Variants in TTN observed in about 807,000 individuals in gnomAD.
TTN encodes the protein connectin.
Under a neutral mutation model 3,223.0 loss-of-function variants are expected in TTN, and 1,525 were observed. The ratio of observed to expected loss-of-function variants is 0.47; its 90% CI spans 0.45 to 0.49. The LOEUF (loss-of-function observed/expected upper bound fraction) is 0.49, where lower values mean the gene tolerates loss of function less well. TTN is among the 20% of genes least tolerant of loss of function. TTN has a pLI of 0.00. For synonymous variants in TTN, 14,094 were observed against 15,161.0 expected, an observed-to-expected ratio of 0.93 and a Z score of 5.17; for missense variants, 40,786 against 43,424.0, an observed-to-expected ratio of 0.94 and a Z score of 5.40.
At position 178,675,912 on chromosome 2, in the gene TTN, T is replaced by G. The variant is rs2067985630; in HGVS notation, c.34453+9A>C. 6.2e-7 allele frequency: 1 copy of G among 1,605,384 alleles called. No individual in the cohort carries two copies. The highest frequency in any genetic ancestry group is 1.7e-5 in the Admixed American group (1 of 58,888). ...TGGCATAGTCTAATTTACTTCGGAA[T>G]AGCAATACCTTTGGCAGGGGGAGCC... On this transcript the variant is annotated intron_variant, in intron 148 of 362. Coordinates refer to ENST00000589042, the MANE Select transcript of TTN (RefSeq NM_001267550.2).
chr2:178,542,612 A>C (rs1462049964), intron 348 of TTN, 49 bp from the exon 349 acceptor site: 1 of 1,596,040 alleles, frequency 6.3e-7, no homozygotes, highest in African/African-American at 1.3e-5. Context: ...TCAAATCAAA[A>C]TTGGGTGACT....
rs576946726 is a variant in TTN at position 178,590,159 on chromosome 2, C to T, written c.61566G>A (p.Arg20522=). 1 of 1,612,994 alleles carries T rather than the reference C, an allele frequency of 6.2e-7. No individual in the cohort carries two copies. The highest frequency in any genetic ancestry group is 1.1e-5 in the South Asian group (1 of 90,956). The change falls in exon 304 of 363, where the codon AGG becomes AGA. Residue 20522 remains arginine, a synonymous_variant. Transcript: ENST00000589042. ...GAGGTAGATCCTGAATAAGGTCCACCCTCTTTTCTCGGACCAATACTTTGC... is the reference window on the plus strand; with the variant it reads ...GAGGTAGATCCTGAATAAGGTCCACTCTCTTTTCTCGGACCAATACTTTGC... The part of the protein sequence containing the change: ...KEGKVLVREK[R]VDLIQDLPRV...
At chr2:178,664,275 T>G (rs2065451919) in intron 168 of TTN, among the ~76,000 whole-genome samples, 177 bp from the exon 169 acceptor site, 1 of 152,130 alleles carries the variant, frequency 6.6e-6, no homozygotes, top group Non-Finnish European at 1.5e-5. Flanking sequence ...TATTTTCTTT[T>G]TGGTAGCCAT....
intron 45 of TTN, among the ~76,000 whole-genome samples, chr2:178,757,229 A>ACCGTACTTACTTT (rs1398848581): frequency 6.7e-6 from 1 of 149,740 alleles, no homozygotes; most frequent in African/African-American, 2.4e-5. Context: ...AGTAAGTAAT[A>ACCGTACTTACTTT]ATCAGCAAAT....
chr2:178,571,133 C>T lies in TTN; in HGVS notation c.74999G>A (p.Cys25000Tyr), dbSNP rs1399533944. ...GIGKPSKVSE[C>Y]YVARDPCDPP... is the part of the protein sequence containing the mutation. ...ATCACATGGGTCACGAGCCACATAA[C>T]ATTCTGATACTTTACTCGGCTTGCC... is the stretch of plus-strand genomic sequence containing the variant. The change falls in exon 326 of 363, where the codon TGT (cysteine) becomes TAT (tyrosine). Residue 25000 changes from cysteine to tyrosine, a missense_variant. By Grantham distance (194) the Cys-to-Tyr change is radical (BLOSUM62 -2). Coordinates refer to ENST00000589042, the MANE Select transcript of TTN (RefSeq NM_001267550.2). 1 of 1,613,484 alleles carries T rather than the reference C, an allele frequency of 6.2e-7. No homozygotes were observed. The highest frequency in any genetic ancestry group is 1.7e-5 in the Admixed American group (1 of 60,002).
rs1216901199 is a variant in TTN, at chr2:178,749,509, C to T, written c.11311+3615G>A. 1 of 1,612,778 alleles carries T rather than the reference C, an allele frequency of 6.2e-7. No individual in the cohort carries two copies. Among genetic ancestry groups the T allele is most frequent in the Admixed American group, 1.7e-5 (1 of 59,824 alleles). On this transcript the variant is annotated intron_variant, in intron 47 of 362. Transcript: ENST00000589042. ...TTACTGAATATTCTTTTACATTTGT[C>T]CAGGGAGTAAAGGGACCAGCTGGAT...
chr2:178,711,018 A>C, intron 97 of TTN, 44 bp downstream of exon 97: 1 of 1,548,396 alleles, frequency 6.5e-7, no homozygotes, highest in Non-Finnish European at 8.7e-7. Context: ...ATATTTGATT[A>C]TAATACTTTA....
rs557686550 is a variant in TTN at position 178,740,233 on chromosome 2, G to C, written c.13000C>G (p.Leu4334Val). The C allele has an allele frequency of 1.2e-6, 2 of 1,613,654 alleles. No individual in the cohort carries two copies. Among genetic ancestry groups the C allele is most frequent in the African/African-American group, 2.7e-5 (2 of 75,036 alleles). Reference sequence around the variant, plus strand: ...TTGAGCAGTACCTGCTTTTCTTCAAGTGCTAGTGGAAATCTTAAGGACTTG... The same window carrying C: ...TTGAGCAGTACCTGCTTTTCTTCAACTGCTAGTGGAAATCTTAAGGACTTG... ...EGKSLRFPLA[L>V]EEKQVLLKEE... The change falls in exon 48 of 363, where the codon CTT (leucine) becomes GTT (valine). Residue 4334 changes from leucine (L) to valine (V), a missense_variant. Transcript: ENST00000589042.
chr2:178,528,700 C>CAAAGG lies in TTN; in HGVS notation c.107050_107051insCCTTT (p.Gly35684AlafsTer11). 6.2e-7 allele frequency: 1 copy of CAAAGG among 1,613,578 alleles called. No homozygotes were observed. Among genetic ancestry groups the CAAAGG allele is most frequent in the South Asian group, 1.1e-5 (1 of 91,008 alleles). ...CAAATCATACTGACACTTGACGATT[C>CAAAGG]CTTCCTTGGTTTTGCTTATGCAGGT... On this transcript the variant is annotated frameshift_variant, in exon 360 of 363. Coordinates refer to ENST00000589042, the MANE Select transcript of TTN (RefSeq NM_001267550.2). LOFTEE classifies it high-confidence loss of function.
Position 178,618,767 on chromosome 2 carries a change from G to A in TTN, c.46783C>T (p.Pro15595Ser). Reference protein sequence around the residue: ...LTMVVPYDAYPKAEAEWFKEN... With the variant: ...LTMVVPYDAYSKAEAEWFKEN... Reference sequence around the variant, plus strand: ...TTAAACCATTCAGCTTCTGCTTTGGGGTAGGCATCATATGGCACCACCATT... The same window carrying A: ...TTAAACCATTCAGCTTCTGCTTTGGAGTAGGCATCATATGGCACCACCATT... Residue 15595 changes from proline to serine, a missense_variant, in exon 251 of 363, where the codon CCC (proline) becomes TCC (serine). Transcript: ENST00000589042. The A allele has an allele frequency of 6.2e-7, 1 of 1,611,570 alleles. No individual in the cohort carries two copies. The highest frequency in any genetic ancestry group is 8.5e-7 in the Non-Finnish European group (1 of 1,178,732).
In TTN at chr2:178,551,279, G is replaced by A; in HGVS notation, c.91271-19C>T. The A allele has an allele frequency of 6.3e-7, 1 of 1,595,720 alleles. No homozygotes were observed. Among genetic ancestry groups the A allele is most frequent in the Non-Finnish European group, 8.5e-7 (1 of 1,173,466 alleles). Reference sequence around the variant, plus strand: ...GGTGGGTCTAAAAAATTATAAGGAAGGTAAATGCATCATTACATTTGTAAC... The same window carrying A: ...GGTGGGTCTAAAAAATTATAAGGAAAGTAAATGCATCATTACATTTGTAAC... On this transcript the variant is annotated intron_variant, in intron 335 of 362. Transcript: ENST00000589042.
Position 178,554,435 on chromosome 2 carries a change from A to G in TTN, c.88894+18T>C, listed in dbSNP as rs1700540734. The G allele has an allele frequency of 6.2e-6, 10 of 1,606,110 alleles. No individual in the cohort carries two copies. Among genetic ancestry groups the G allele is most frequent in the South Asian group, 2.2e-5 (2 of 89,610 alleles). ...TAAATTTTTCACGTTTCAGTTTTCTAATGAAATCATGTCTCACCAAATGCG... is the reference window on the plus strand; with the variant it reads ...TAAATTTTTCACGTTTCAGTTTTCTGATGAAATCATGTCTCACCAAATGCG... On this transcript the variant is annotated intron_variant, in intron 332 of 362. Transcript: ENST00000589042.
At chr2:178,746,648 C>T in intron 47 of TTN, 2 of 1,613,252 alleles carry the variant, frequency 1.2e-6, no homozygotes, top group South Asian at 1.1e-5. Flanking sequence ...CATGTACTCT[C>T]CCCCTTCTCC....
rs2154198955 is a variant in TTN at position 178,610,280 on chromosome 2, A to G, written c.51246T>C (p.Tyr17082=). The G allele has an allele frequency of 3.1e-6, 5 of 1,612,960 alleles. No homozygotes were observed. Among genetic ancestry groups the G allele is most frequent in the Non-Finnish European group, 4.2e-6 (5 of 1,179,236 alleles). The change falls in exon 271 of 363, where the codon TAT becomes TAC. Residue 17082 remains tyrosine (Y), a synonymous_variant. Coordinates refer to ENST00000589042, the MANE Select transcript of TTN (RefSeq NM_001267550.2). ...EFDGGTPILH[Y]VLERREAGRR... ...TCCCAGCTTCTCTGCGCTCCAGGAC[A>G]TAATGAAGAATTGGGGTTCCACCAT...
In TTN at chr2:178,569,006, T is replaced by G. The variant is rs1707103269; in HGVS notation, c.77126A>C (p.Asp25709Ala). ...CAGAGAGACACTGTTTCTGGTGACA[T>G]CATCCACAGTTATTTTTCCAGGAGG... Reference protein sequence around the residue: ...PQPPGKITVDDVTRNSVSLSW... With the variant: ...PQPPGKITVDAVTRNSVSLSW... The change falls in exon 326 of 363, where the codon GAT (aspartate) becomes GCT (alanine). Residue 25709 changes from aspartate to alanine, a missense_variant. Asp to Ala is a moderately radical substitution (Grantham distance 126). Transcript: ENST00000589042. 6.2e-7 allele frequency: 1 copy of G among 1,613,280 alleles called. No individual in the cohort carries two copies.
intron 42 of TTN, 98 bp from the exon 43 acceptor site, chr2:178,764,400 G>C (rs1443165758): frequency 1.9e-6 from 3 of 1,610,282 alleles, no homozygotes; most frequent in Non-Finnish European, 2.5e-6. Context: ...TCACTGCAGA[G>C]TGCTTTCAAA....
In TTN at chr2:178,707,536, C is replaced by T; in HGVS notation, c.29031G>A (p.Val9677=). The part of the protein sequence containing the change: ...VAGSDTTKSK[V]TIKDKPAVAP... ...TTGAGGTGTCTGTACCTTTAATGGT[C>T]ACTTTTGATTTGGTAGTGTCACTTC... Residue 9677 remains valine (V), a synonymous_variant, in exon 100 of 363, where the codon GTG becomes GTA. Transcript: ENST00000589042. 6.2e-7 allele frequency: 1 copy of T among 1,612,514 alleles called. No individual in the cohort carries two copies. The highest frequency in any genetic ancestry group is 8.5e-7 in the Non-Finnish European group (1 of 1,178,792).
chr2:178,680,243 C>A lies in TTN; in HGVS notation c.33418+11G>T. ...GACGAACAAAACATTAAAATGAGTG[C>A]CATTAGGTACCTCTAACAGGTGGTG... On this transcript the variant is annotated intron_variant, in intron 139 of 362. Coordinates refer to ENST00000589042, the MANE Select transcript of TTN (RefSeq NM_001267550.2). 6.2e-7 allele frequency: 1 copy of A among 1,610,654 alleles called. No homozygotes were observed. The highest frequency in any genetic ancestry group is 8.5e-7 in the Non-Finnish European group (1 of 1,178,436).
chr2:178,613,822 A>G lies in TTN; in HGVS notation c.49461T>C (p.Val16487=), dbSNP rs377080500. Residue 16487 remains valine, a synonymous_variant, in exon 263 of 363, where the codon GTT becomes GTC. Coordinates refer to ENST00000589042, the MANE Select transcript of TTN (RefSeq NM_001267550.2). ...DGGSPITGYW[V]ERLDPDTDKW... ...TATCTGTATCAGGATCCAGTCTTTC[A>G]ACCCAGTATCCTGTGATTGGGCTGC... 6.2e-7 allele frequency: 1 copy of G among 1,612,532 alleles called. No individual in the cohort carries two copies. The highest frequency in any genetic ancestry group is 1.3e-5 in the African/African-American group (1 of 74,792).
Sources: gnomAD v4.1 joint callset for allele counts (sites outside exome capture counted in the v4.1 genomes callset) on GRCh38, gnomAD v4.1.1 for gene constraint, MANE v1.5 for transcripts, NCBI Gene and HGNC (gene_info 2026-07-23, HGNC 2026-07-21) for gene names.